The following FOXP1 variants were observed in gnomAD, a reference collection of about 807,000 sequenced individuals.
FOXP1 encodes the protein forkhead box protein P1.
A neutral mutation model predicts 98.2 loss-of-function variants in FOXP1; 15 were observed. The ratio of observed to expected loss-of-function variants is 0.15; its 90% CI spans 0.10 to 0.24. The LOEUF (loss-of-function observed/expected upper bound fraction) is 0.24, where lower values mean the gene tolerates loss of function less well. Ranked by LOEUF, FOXP1 falls within the 10% of genes least tolerant of loss-of-function variation. FOXP1 has a pLI of 1.00. For missense variants in FOXP1, 633 were observed against 848.5 expected, an observed-to-expected ratio of 0.75 and a Z score of 3.15; for synonymous variants, 371 against 314.5, an observed-to-expected ratio of 1.18 and a Z score of -1.90.
chr3:71,232,877 C>CAAAAA lies in FOXP1; in HGVS notation c.-11-34490_-11-34486dup, dbSNP rs59404230. On this transcript the variant is annotated intron_variant, in intron 5 of 20. Transcript: ENST00000649528. ...CGTGCCACAGAGCAAAACTCTGTCT[C>CAAAAA]AAAAAAAAAAAAAAAAAAAGCAAGA... Among the ~76,000 whole-genome samples, 87 of 31,410 alleles carry CAAAAA rather than the reference C, an allele frequency of 2.8e-3. 3 individuals are homozygous for CAAAAA. Among genetic ancestry groups the CAAAAA allele is most frequent in the African/African-American group, 5.3e-3 (50 of 9,394 alleles). The allele number at this position is 31,410 out of a possible 152,430, so 20.6% of individuals were successfully genotyped here.
At chr3:71,225,230 G>A (rs1299534972) in intron 5 of FOXP1, among the ~76,000 whole-genome samples, 3 of 152,234 alleles carry the variant, frequency 2.0e-5, no homozygotes, top group Non-Finnish European at 4.4e-5. Context: ...TAAATGCTAA[G>A]CTGTCAATCC....
chr3:71,339,105 T>G (rs1185074509), intron 4 of FOXP1, among the ~76,000 whole-genome samples: 2 of 152,238 alleles, frequency 1.3e-5, no homozygotes, highest in Non-Finnish European at 2.9e-5. Flanking sequence ...TCAGCTCTCT[T>G]TTACATTTTA....
chr3:71,272,645 T>C (rs868860870), intron 5 of FOXP1, among the ~76,000 whole-genome samples: 1 of 151,908 alleles, frequency 6.6e-6, no homozygotes, highest in Non-Finnish European at 1.5e-5. Context: ...AGTCCTTTAT[T>C]CTCATTGACT....
At chr3:70,989,825 T>A (rs751634505) in intron 13 of FOXP1, among the ~76,000 whole-genome samples, 17 of 152,190 alleles carry the variant, frequency 1.1e-4, no homozygotes, top group Non-Finnish European at 1.9e-4. Context: ...GTTGTTGATG[T>A]AGCAATTATA....
chr3:71,376,697 CTTTG>C (rs2108019510), intron 3 of FOXP1, among the ~76,000 whole-genome samples: 1 of 152,302 alleles, frequency 6.6e-6, no homozygotes, highest in South Asian at 2.1e-4. Flanking sequence ...TAAATCAGTT[CTTTG>C]TTTAACTTCC....
intron 3 of FOXP1, among the ~76,000 whole-genome samples, chr3:71,492,682 A>G (rs1577823449): frequency 6.6e-6 from 1 of 152,152 alleles, no homozygotes. Flanking sequence ...CATGAAACTG[A>G]CCTCATCCAA....
intron 19 of FOXP1, among the ~76,000 whole-genome samples, chr3:70,968,010 A>AG (rs2035321711): frequency 6.6e-6 from 1 of 152,130 alleles, no homozygotes; most frequent in African/African-American, 2.4e-5. Context: ...CCTCTAGAGA[A>AG]GGCAACTTTC....
In FOXP1 at chr3:71,112,644, G is replaced by A. The variant is rs1417794734; in HGVS notation, c.181-7C>T. The stretch of plus-strand genomic sequence containing the variant: ...GTCTTGCCACCTGAAGTGCCTGGAA[G>A]GAAAAACAAGAAAATCCTTTGCGTT... On this transcript the variant is annotated splice_region_variant and splice_polypyrimidine_tract_variant and intron_variant, in intron 6 of 20. Transcript: ENST00000649528. 4 of 1,610,154 alleles carry A rather than the reference G, an allele frequency of 2.5e-6. No individual in the cohort carries two copies. Among genetic ancestry groups the A allele is most frequent in the Admixed American group, 3.3e-5 (2 of 59,986 alleles).
At chr3:71,254,218 T>C (rs1194543941) in intron 5 of FOXP1, among the ~76,000 whole-genome samples, 1 of 152,160 alleles carries the variant, frequency 6.6e-6, no homozygotes, top group Non-Finnish European at 1.5e-5. Context: ...GAAGTAAAAT[T>C]TTCCCCTTGG....
At chr3:70,978,853 G>C (rs1311076543) in intron 14 of FOXP1, among the ~76,000 whole-genome samples, 1 of 152,048 alleles carries the variant, frequency 6.6e-6, no homozygotes, top group Non-Finnish European at 1.5e-5. Flanking sequence ...TTCTTTTACA[G>C]AATACGGGAG....
chr3:71,012,305 T>C (rs1436173489), intron 12 of FOXP1, among the ~76,000 whole-genome samples: 7 of 152,180 alleles, frequency 4.6e-5, no homozygotes, highest in African/African-American at 1.7e-4. Context: ...TTTCTCTCAT[T>C]ATATAAATAT....
intron 19 of FOXP1, chr3:70,970,410 T>A (rs761878469): frequency 2.5e-4 from 90 of 366,368 alleles, no homozygotes; most frequent in Non-Finnish European, 4.0e-4. Context: ...AGCACATTAA[T>A]AGCTGTGCTA....
chr3:70,982,934 C>G (rs2039115468), intron 14 of FOXP1, among the ~76,000 whole-genome samples: 1 of 152,218 alleles, frequency 6.6e-6, no homozygotes, highest in African/African-American at 2.4e-5. Flanking sequence ...AGGGACACAA[C>G]TGCGTAGTAG....
chr3:71,135,459 C>T (rs868617583), intron 6 of FOXP1, among the ~76,000 whole-genome samples: 1 of 152,092 alleles, frequency 6.6e-6, no homozygotes, highest in South Asian at 2.1e-4. Flanking sequence ...CAAAATAGTT[C>T]CCCTTTGAAA....
At chr3:71,156,797 C>A (rs1419657001) in intron 6 of FOXP1, among the ~76,000 whole-genome samples, 1 of 152,136 alleles carries the variant, frequency 6.6e-6, no homozygotes, top group African/African-American at 2.4e-5. Flanking sequence ...ATGATTCTGA[C>A]ATGCTTCCAT....
intron 18 of FOXP1, chr3:70,972,158 G>A: frequency 2.6e-6 from 4 of 1,530,704 alleles, no homozygotes; most frequent in Non-Finnish European, 3.5e-6. Flanking sequence ...CTTATGCAGT[G>A]AGAGGTTGGT....
intron 7 of FOXP1, among the ~76,000 whole-genome samples, chr3:71,075,607 C>T (rs909077654): frequency 6.6e-6 from 1 of 152,154 alleles, no homozygotes; most frequent in African/African-American, 2.4e-5. Context: ...ACTTAAATCT[C>T]TAGGTTGTGG....
chr3:71,308,793 GT>G (rs1221327913), intron 4 of FOXP1, among the ~76,000 whole-genome samples: 26 of 150,374 alleles, frequency 1.7e-4, no homozygotes, highest in South Asian at 6.4e-4. Context: ...GTGTGTGTGT[GT>G]GTGTGTGTGT....
chr3:71,144,560 C>T (rs544300299), intron 6 of FOXP1, among the ~76,000 whole-genome samples: 1 of 152,142 alleles, frequency 6.6e-6, no homozygotes, highest in African/African-American at 2.4e-5. Context: ...AAAGGCTGAG[C>T]GTGATTGTGC....
Sources: allele counts gnomAD v4.1 joint callset (sites outside exome capture counted in the v4.1 genomes callset), GRCh38; gene constraint gnomAD v4.1.1; transcripts MANE v1.5; gene names NCBI Gene and HGNC (gene_info 2026-07-23, HGNC 2026-07-21).